The following PUS3 variants were observed in gnomAD, a reference collection of about 807,000 sequenced individuals.
PUS3 encodes the protein pseudouridine synthase 3.
PUS3 carries 36 observed loss-of-function variants against 43.3 expected under a neutral mutation model. The ratio of observed to expected loss-of-function variants is 0.83; its 90% CI spans 0.64 to 1.10. The LOEUF is 1.10. PUS3 is among the 50% of genes least tolerant of loss of function. The pLI is 0.00. For synonymous variants in PUS3, 183 were observed against 199.2 expected (o/e 0.92, Z 0.69); for missense variants, 544 against 589.9 (o/e 0.92, Z 0.81).
chr11:125,894,292 G>C lies in PUS3; in HGVS notation c.945-6C>G, dbSNP rs754640433. 1 of 1,579,356 alleles carries C rather than the reference G, an allele frequency of 6.3e-7. No individual in the cohort carries two copies. On this transcript the variant is annotated splice_region_variant and splice_polypyrimidine_tract_variant and intron_variant, in intron 3 of 3. Coordinates refer to ENST00000227474, the MANE Select transcript of PUS3 (RefSeq NM_031307.4). ...GAGGAAATTCTACAGCCATACTAGA[G>C]AAAAAGAGAAAAGAAAGTTTGAGAA...
In PUS3 at chr11:125,899,863, A is replaced by G. The variant is rs1944709492; in HGVS notation, c.-47+3307T>C. The G allele has an allele frequency of 1.2e-6, 2 of 1,614,228 alleles. No homozygotes were observed. The highest frequency in any genetic ancestry group is 2.2e-5 in the South Asian group (2 of 91,086). ...CACATGAATACCAAGGAATTTCTCA[A>G]GATCAGCTCATTTGCTCTCTACAAA... On this transcript the variant is annotated intron_variant, in intron 1 of 3. Coordinates refer to ENST00000227474, the MANE Select transcript of PUS3 (RefSeq NM_031307.4).
intron 1 of PUS3, chr11:125,900,593 G>A: frequency 3.0e-6 from 1 of 333,862 alleles, no homozygotes; most frequent in Non-Finnish European, 5.9e-6. Flanking sequence ...TTCAGTGTGT[G>A]TTTTTTAAGT....
Position 125,893,758 on chromosome 11 carries a change from T to C in PUS3, c.*27A>G. 3 of 1,568,460 alleles carry C rather than the reference T, an allele frequency of 1.9e-6. No individual in the cohort carries two copies. Among genetic ancestry groups the C allele is most frequent in the Non-Finnish European group, 2.6e-6 (3 of 1,156,960 alleles). ...TTCTGTCCACCTACCATTAGGTGGTTCCTAGATCCTGGCAAATTGTCTATG... is the reference window on the plus strand; with the variant it reads ...TTCTGTCCACCTACCATTAGGTGGTCCCTAGATCCTGGCAAATTGTCTATG... On this transcript the variant is annotated 3_prime_UTR_variant, in exon 4 of 4. Coordinates refer to ENST00000227474, the MANE Select transcript of PUS3 (RefSeq NM_031307.4).
In PUS3 at chr11:125,897,487, T is replaced by C. The variant is rs532934305; in HGVS notation, c.-46-1157A>G. Among the ~76,000 whole-genome samples, 125 of 148,520 alleles carry C rather than the reference T, an allele frequency of 8.4e-4. 2 individuals are homozygous for C. In the South Asian group the frequency reaches 0.027, roughly 32 times the overall value. On this transcript the variant is annotated intron_variant, in intron 1 of 3. Coordinates refer to ENST00000227474, the MANE Select transcript of PUS3 (RefSeq NM_031307.4). Reference sequence around the variant, plus strand: ...AAAGTGCGACCTTCCTCAATATATATTTCATGAATATATACATCAGTTTTA... The same window carrying C: ...AAAGTGCGACCTTCCTCAATATATACTTCATGAATATATACATCAGTTTTA...
chr11:125,900,409 CTATA>C (rs1944735857), intron 1 of PUS3: 1 of 741,322 alleles, frequency 1.3e-6, no homozygotes. Flanking sequence ...TCTTTCCTAG[CTATA>C]TATCACATTG....
chr11:125,900,464 A>G, intron 1 of PUS3: 1 of 587,580 alleles, frequency 1.7e-6, no homozygotes, highest in Non-Finnish European at 3.1e-6. Context: ...AAATCCAGCA[A>G]TTGCAAGATA....
At chr11:125,902,518 T>C (rs1249400076) in intron 1 of PUS3, among the ~76,000 whole-genome samples, 1 of 138,320 alleles carries the variant, frequency 7.2e-6, no homozygotes, top group East Asian at 2.1e-4. Flanking sequence ...GAGGCTGAGG[T>C]GGAAGGATCG....
intron 1 of PUS3, chr11:125,900,182 A>G: frequency 1.2e-6 from 2 of 1,614,226 alleles, no homozygotes; most frequent in Non-Finnish European, 1.7e-6. Flanking sequence ...AGAGAAGAAA[A>G]GGTCTGCACT....
chr11:125,894,200 T>G lies in PUS3; in HGVS notation c.1031A>C (p.Asn344Thr). ...CCACAGTTGTTGTAGGTGGGTAATA[T>G]TGAACTCCTGAGCCTCCTGGTCATA... ...WIYDQEAQEF[N>T]ITHLQQLWAN... The change falls in exon 4 of 4, where the codon AAT (asparagine) becomes ACT (threonine). Residue 344 changes from asparagine to threonine, a missense_variant. Physicochemically the swap from Asn to Thr is moderately conservative, Grantham distance 65 (BLOSUM62 0). Coordinates refer to ENST00000227474, the MANE Select transcript of PUS3 (RefSeq NM_031307.4). 2.5e-6 allele frequency: 4 copies of G among 1,614,094 alleles called. No individual in the cohort carries two copies. The highest frequency in any genetic ancestry group is 3.4e-6 in the Non-Finnish European group (4 of 1,179,944).
At chr11:125,901,626 A>G (rs923719389) in intron 1 of PUS3, among the ~76,000 whole-genome samples, 3 of 152,248 alleles carry the variant, frequency 2.0e-5, no homozygotes, top group African/African-American at 7.2e-5. Flanking sequence ...TTAAAGCCAC[A>G]TAATTCACAC....
chr11:125,894,858 T>A (rs1944526396), intron 3 of PUS3, among the ~76,000 whole-genome samples: 1 of 152,202 alleles, frequency 6.6e-6, no homozygotes, highest in Non-Finnish European at 1.5e-5. Context: ...GAAATTAATG[T>A]CTTTTTACTT....
chr11:125,896,430 T>G (rs1378789153), intron 1 of PUS3, 100 bp from the exon 2 acceptor site: 2 of 861,540 alleles, frequency 2.3e-6, no homozygotes, highest in East Asian at 5.3e-5. Flanking sequence ...AGAATATACT[T>G]TTGCTTTTCC....
At chr11:125,896,370 G>C in intron 1 of PUS3, 40 bp from the exon 2 acceptor site, 2 of 1,290,968 alleles carry the variant, frequency 1.5e-6, no homozygotes, top group Admixed American at 4.5e-5. Flanking sequence ...TTCAATGCTA[G>C]TTCCTTTGAT....
rs1421999429 is a variant in PUS3 at position 125,896,171 on chromosome 11, G to A, written c.114C>T (p.Asp38=). The A allele has an allele frequency of 6.2e-7, 1 of 1,614,146 alleles. No homozygotes were observed. Among genetic ancestry groups the A allele is most frequent in the South Asian group, 1.1e-5 (1 of 91,082 alleles). The part of the protein sequence containing the change: ...LKKEQAKNKE[D]SNIRENSAGA... ...CTGCTGAATTTTCTCTAATGTTTGAGTCCTCCTTATTTTTGGCCTGTTCCT... is the reference window on the plus strand; with the variant it reads ...CTGCTGAATTTTCTCTAATGTTTGAATCCTCCTTATTTTTGGCCTGTTCCT... Residue 38 remains aspartate (D), a synonymous_variant, in exon 2 of 4, where the codon GAC becomes GAT. Transcript: ENST00000227474.
chr11:125,894,388 C>T (rs1944511994), intron 3 of PUS3, 102 bp from the exon 4 acceptor site: 5 of 885,410 alleles, frequency 5.6e-6, no homozygotes, highest in Non-Finnish European at 8.7e-6. Context: ...GGTAGGGCGC[C>T]ACCATTGATG....
rs1239155651 is a variant in PUS3 at position 125,900,581 on chromosome 11, G to A, written c.-47+2589C>T. On this transcript the variant is annotated intron_variant, in intron 1 of 3. Transcript: ENST00000227474. ...TTTACCTATCAATATGAGTTGCTGT[G>A]CTTCAGTGTGTGTTTTTTAAGTTGC... 11 of 352,484 alleles carry A rather than the reference G, an allele frequency of 3.1e-5. No individual in the cohort carries two copies. The East Asian group carries it at 7.5e-4, about 24-fold the overall frequency. The allele number at this position is 352,484 out of a possible 1,614,324, so 21.8% of individuals were successfully genotyped here.
chr11:125,895,827 C>A (rs766571321), intron 2 of PUS3, 38 bp from the exon 3 acceptor site: 2 of 1,579,588 alleles, frequency 1.3e-6, no homozygotes, highest in Admixed American at 1.7e-5. Flanking sequence ...TTTAGAGACA[C>A]AAATAATCTC....
At chr11:125,898,092 G>A (rs780992083) in intron 1 of PUS3, among the ~76,000 whole-genome samples, 5 of 151,496 alleles carry the variant, frequency 3.3e-5, no homozygotes, top group Non-Finnish European at 5.9e-5. Context: ...TGTCCTTTAC[G>A]GTATTAAAAA....
At chr11:125,895,026 C>T (rs1313925998) in intron 3 of PUS3, among the ~76,000 whole-genome samples, 198 bp downstream of exon 3, 1 of 150,998 alleles carries the variant, frequency 6.6e-6, no homozygotes, top group African/African-American at 2.4e-5. Context: ...TAGACAGTTA[C>T]GGTGGAGAGG....
Sources: allele counts gnomAD v4.1 joint callset (sites outside exome capture counted in the v4.1 genomes callset), GRCh38; gene constraint gnomAD v4.1.1; transcripts MANE v1.5; gene names NCBI Gene and HGNC (gene_info 2026-07-23, HGNC 2026-07-21).